OPCML: variants seen among roughly 807,000 people sequenced by gnomAD.
OPCML encodes opioid-binding protein/cell adhesion molecule.
OPCML carries 13 observed loss-of-function variants against 37.8 expected under a neutral mutation model. That is an observed-to-expected ratio of 0.34 (90% CI 0.22 to 0.55). The LOEUF (loss-of-function observed/expected upper bound fraction) is 0.55, where lower values mean the gene tolerates loss of function less well. OPCML is among the 20% of genes least tolerant of loss of function. The pLI is 0.91. For missense variants in OPCML, 341 were observed against 435.6 expected (o/e 0.78, Z 1.93); for synonymous variants, 176 against 168.8 (o/e 1.04, Z -0.33).
intron 1 of OPCML, among the ~76,000 whole-genome samples, chr11:133,095,277 GTTTTTTTTTTTT>G (rs60154725): frequency 1.1e-4 from 5 of 44,202 alleles, no homozygotes; most frequent in Non-Finnish European, 2.0e-4. Flanking sequence ...TAATGTAAAT[GTTTTTTTTTTTT>G]TTTTTTTTTT....
intron 2 of OPCML, among the ~76,000 whole-genome samples, chr11:132,692,648 G>A (rs1943448464): frequency 6.6e-6 from 1 of 152,146 alleles, no homozygotes; most frequent in South Asian, 2.1e-4. Context: ...AGCTTCCGGA[G>A]GCAGGAACTA....
At chr11:132,900,722 C>T (rs530248596) in intron 2 of OPCML, among the ~76,000 whole-genome samples, 1 of 152,230 alleles carries the variant, frequency 6.6e-6, no homozygotes, top group Admixed American at 6.5e-5. Context: ...CTCTATGAAA[C>T]CCTCCCTAGC....
chr11:133,332,409 C>A (rs1434147029), intron 1 of OPCML, among the ~76,000 whole-genome samples: 1 of 152,138 alleles, frequency 6.6e-6, no homozygotes, highest in Non-Finnish European at 1.5e-5. Context: ...TATTTGGATG[C>A]CCTTTATTTC....
chr11:132,541,106 A>G (rs1215843399), intron 3 of OPCML, among the ~76,000 whole-genome samples: 1 of 152,328 alleles, frequency 6.6e-6, no homozygotes, highest in East Asian at 1.9e-4. Flanking sequence ...ATGAGGAAGT[A>G]CTTTGGTTCC....
rs2096274683 is a variant in OPCML, at chr11:132,514,105, G to C, written c.505+14956C>G. On this transcript the variant is annotated intron_variant, in intron 4 of 7. Coordinates refer to ENST00000524381, the MANE Select transcript of OPCML (RefSeq NM_001012393.5). ...GTCTCTGTCTATATGCTATTTTTAA[G>C]TACTTGCTTATTTATTTTTGTCTGC... 2.0e-5 allele frequency among the ~76,000 whole-genome samples: 3 copies of C among 152,098 alleles called. No individual in the cohort carries two copies. The South Asian group carries it at 6.2e-4, about 32-fold the overall frequency.
At chr11:133,317,560 TAGC>T (rs1327446800) in intron 1 of OPCML, among the ~76,000 whole-genome samples, 2 of 152,242 alleles carry the variant, frequency 1.3e-5, no homozygotes, top group African/African-American at 4.8e-5. Context: ...CTGCTTTTAT[TAGC>T]AGAAGTTGTT....
At chr11:132,487,836 T>C (rs910915139) in intron 4 of OPCML, among the ~76,000 whole-genome samples, 2 of 152,254 alleles carry the variant, frequency 1.3e-5, no homozygotes, top group Non-Finnish European at 2.9e-5. Context: ...TACTCAATCA[T>C]AGTATTGCAT....
At chr11:132,587,672 G>A (rs1307353387) in intron 3 of OPCML, among the ~76,000 whole-genome samples, 1 of 152,154 alleles carries the variant, frequency 6.6e-6, no homozygotes, top group African/African-American at 2.4e-5. Flanking sequence ...ACCTAAGGGG[G>A]CACTGCCATG....
intron 1 of OPCML, among the ~76,000 whole-genome samples, chr11:133,446,807 G>C (rs1946483335): frequency 6.6e-6 from 1 of 152,134 alleles, no homozygotes; most frequent in Non-Finnish European, 1.5e-5. Context: ...TTTGTCATTT[G>C]TGTCTGGCTT....
At position 133,015,399 on chromosome 11, in the gene OPCML, G is replaced by GGAAT. The variant is rs1206378271; in HGVS notation, c.62-72390_62-72389insATTC. 3.4e-3 allele frequency among the ~76,000 whole-genome samples: 241 copies of GGAAT among 70,126 alleles called. 3 individuals carry two copies. Among genetic ancestry groups the GGAAT allele is most frequent in the African/African-American group, 5.2e-3 (73 of 14,058 alleles). 46.0% of individuals were successfully genotyped at this position (70,126 alleles called of 152,430 possible). On this transcript the variant is annotated intron_variant, in intron 1 of 7. Coordinates refer to ENST00000524381, the MANE Select transcript of OPCML (RefSeq NM_001012393.5). ...AGGAAGGAAGGAAGGAAGGAATGAA[G>GGAAT]GAAGGAAGGAAGGAAGGAAGGAAGG...
chr11:132,855,435 G>A (rs1285553006), intron 2 of OPCML, among the ~76,000 whole-genome samples: 1 of 152,162 alleles, frequency 6.6e-6, no homozygotes, highest in Non-Finnish European at 1.5e-5. Context: ...GGCTCACCGT[G>A]CATTAATTAA....
chr11:132,763,080 C>G (rs1946319554), intron 2 of OPCML, among the ~76,000 whole-genome samples: 1 of 152,092 alleles, frequency 6.6e-6, no homozygotes, highest in African/African-American at 2.4e-5. Context: ...GTTCCCTGAA[C>G]CCTTGTGCTT....
chr11:133,451,476 G>A (rs939715684), intron 1 of OPCML, among the ~76,000 whole-genome samples: 13 of 151,640 alleles, frequency 8.6e-5, no homozygotes, highest in Admixed American at 3.9e-4. Context: ...AAGTGACCAC[G>A]GCAGCTATAA....
At chr11:132,474,721 T>G (rs2096149361) in intron 4 of OPCML, among the ~76,000 whole-genome samples, 1 of 152,166 alleles carries the variant, frequency 6.6e-6, no homozygotes, top group African/African-American at 2.4e-5. Flanking sequence ...GTTCCCTGTT[T>G]ATGCTCCTGT....
At chr11:133,171,456 A>G (rs541779165) in intron 1 of OPCML, among the ~76,000 whole-genome samples, 3 of 152,318 alleles carry the variant, frequency 2.0e-5, no homozygotes, top group African/African-American at 7.2e-5. Context: ...CATATAACCC[A>G]TAGTGTTAGA....
At chr11:132,591,231 G>A (rs1291154763) in intron 3 of OPCML, among the ~76,000 whole-genome samples, 4 of 152,168 alleles carry the variant, frequency 2.6e-5, no homozygotes, top group Admixed American at 2.6e-4. Flanking sequence ...AGACAGAGAC[G>A]GGTGTGAGGA....
chr11:132,480,908 C>T (rs961189505), intron 4 of OPCML, among the ~76,000 whole-genome samples: 1 of 151,834 alleles, frequency 6.6e-6, no homozygotes, highest in Admixed American at 6.6e-5. Context: ...CCAGCCACTG[C>T]AAAATCATGC....
chr11:133,119,369 G>A (rs1206003363), intron 1 of OPCML, among the ~76,000 whole-genome samples: 2 of 149,234 alleles, frequency 1.3e-5, no homozygotes, highest in African/African-American at 5.1e-5. Context: ...TATTTCAGAA[G>A]GGCCTTCTGT....
chr11:132,759,700 T>G (rs928237545), intron 2 of OPCML, among the ~76,000 whole-genome samples: 1 of 151,948 alleles, frequency 6.6e-6, no homozygotes, highest in Non-Finnish European at 1.5e-5. Context: ...TCTTCCTTAT[T>G]AGTCTGGCTA....
Sources: allele counts gnomAD v4.1 joint callset (sites outside exome capture counted in the v4.1 genomes callset), GRCh38; gene constraint gnomAD v4.1.1; transcripts MANE v1.5; gene names NCBI Gene and HGNC (gene_info 2026-07-23, HGNC 2026-07-21).